NAALADL2: variants seen among roughly 807,000 people sequenced by gnomAD.
NAALADL2 encodes the protein N-acetylated alpha-linked acidic dipeptidase like 2.
NAALADL2 carries 76 observed loss-of-function variants against 87.2 expected under a neutral mutation model. The observed-to-expected ratio is 0.87, with a 90% CI of 0.72 to 1.05. The LOEUF (loss-of-function observed/expected upper bound fraction) is 1.05. Among genes scored for constraint, NAALADL2 ranks in the 50% least tolerant of loss-of-function variants. The pLI, the probability that NAALADL2 is intolerant of heterozygous loss-of-function variation, is 0.00. For synonymous variants in NAALADL2, 354 were observed against 331.0 expected, an observed-to-expected ratio of 1.07 and a Z score of -0.75; for missense variants, 1,089 against 945.8, an observed-to-expected ratio of 1.15 and a Z score of -1.99.
intron 2 of NAALADL2, among the ~76,000 whole-genome samples, chr3:174,559,526 G>A (rs575924882): frequency 2.6e-5 from 4 of 152,266 alleles, no homozygotes; most frequent in South Asian, 4.1e-4. Context: ...TAGCCTCCAC[G>A]CTGTGCCTTA....
At chr3:175,149,934 T>C (rs746404298) in intron 2 of NAALADL2, among the ~76,000 whole-genome samples, 4 of 152,152 alleles carry the variant, frequency 2.6e-5, no homozygotes, top group African/African-American at 4.8e-5. Context: ...TGCTTACGTG[T>C]TTGACAGTAA....
chr3:174,881,354 C>G (rs906260429), intron 1 of NAALADL2, among the ~76,000 whole-genome samples: 3 of 151,972 alleles, frequency 2.0e-5, no homozygotes, highest in African/African-American at 7.2e-5. Context: ...TAAAATTTTT[C>G]AGGTTTTAGG....
At chr3:175,061,058 A>G (rs1706260633) in intron 1 of NAALADL2, among the ~76,000 whole-genome samples, 1 of 152,188 alleles carries the variant, frequency 6.6e-6, no homozygotes, top group Non-Finnish European at 1.5e-5. Context: ...AAAAAACAAA[A>G]AAAATCCTTC....
intron 5 of NAALADL2, among the ~76,000 whole-genome samples, chr3:175,359,351 A>G (rs1764726673): frequency 6.6e-6 from 1 of 152,136 alleles, no homozygotes; most frequent in African/African-American, 2.4e-5. Flanking sequence ...CCAAGATCAT[A>G]TTAGAGAAAT....
chr3:174,619,076 C>G (rs1720755551), intron 2 of NAALADL2, among the ~76,000 whole-genome samples: 1 of 151,750 alleles, frequency 6.6e-6, no homozygotes, highest in South Asian at 2.1e-4. Context: ...TTACATTGGT[C>G]AAGGTTAAAG....
chr3:174,969,227 T>G (rs1179854742), intron 1 of NAALADL2, among the ~76,000 whole-genome samples: 1 of 152,160 alleles, frequency 6.6e-6, no homozygotes, highest in Non-Finnish European at 1.5e-5. Flanking sequence ...CTAGCAGGTA[T>G]TCCATCCTTC....
chr3:175,132,783 G>T (rs1728339044), intron 2 of NAALADL2, among the ~76,000 whole-genome samples: 1 of 150,802 alleles, frequency 6.6e-6, no homozygotes, highest in African/African-American at 2.4e-5. Flanking sequence ...TCCTGGCGGG[G>T]GCTGACCCCC....
At chr3:175,776,965 A>G (rs1325033936) in intron 13 of NAALADL2, among the ~76,000 whole-genome samples, 1 of 152,022 alleles carries the variant, frequency 6.6e-6, no homozygotes, top group Non-Finnish European at 1.5e-5. Flanking sequence ...CTTAATATCT[A>G]TAATAAACTG....
At chr3:175,723,832 C>G (rs888486662) in intron 11 of NAALADL2, among the ~76,000 whole-genome samples, 7 of 151,986 alleles carry the variant, frequency 4.6e-5, no homozygotes, top group African/African-American at 1.7e-4. Flanking sequence ...TTACCTGTTC[C>G]TCTTACTAAG....
chr3:175,646,211 C>G (rs1314267622), intron 11 of NAALADL2, among the ~76,000 whole-genome samples: 1 of 151,824 alleles, frequency 6.6e-6, no homozygotes, highest in Non-Finnish European at 1.5e-5. Flanking sequence ...TTATGGAACT[C>G]AGATATTTTA....
chr3:175,588,351 T>G (rs751210749), intron 10 of NAALADL2, among the ~76,000 whole-genome samples: 29 of 151,520 alleles, frequency 1.9e-4, no homozygotes, highest in Non-Finnish European at 4.1e-4. Context: ...TGTGAGGTAC[T>G]CAATACAGCA....
intron 3 of NAALADL2, among the ~76,000 whole-genome samples, chr3:175,236,798 A>G (rs889866395): frequency 6.6e-6 from 1 of 152,142 alleles, no homozygotes; most frequent in Non-Finnish European, 1.5e-5. Flanking sequence ...ACGTAATTGT[A>G]TGTTTGCTTT....
chr3:174,669,905 A>G (rs772441724), intron 2 of NAALADL2, among the ~76,000 whole-genome samples: 11 of 151,810 alleles, frequency 7.2e-5, no homozygotes, highest in Non-Finnish European at 1.3e-4. Flanking sequence ...GTCTTTTTTA[A>G]TTTCTTTCAA....
intron 9 of NAALADL2, among the ~76,000 whole-genome samples, chr3:175,494,418 C>T (rs1414087573): frequency 6.6e-6 from 1 of 151,948 alleles, no homozygotes. Context: ...TAAAATAAAC[C>T]TGTAGCTTCA....
chr3:175,209,129 A>G (rs1741396410), intron 2 of NAALADL2, among the ~76,000 whole-genome samples: 1 of 152,116 alleles, frequency 6.6e-6, no homozygotes, highest in Admixed American at 6.6e-5. Flanking sequence ...TAGAAGGTGT[A>G]GTAGGGAAAA....
chr3:174,681,702 G>A (rs1727553999), intron 2 of NAALADL2, among the ~76,000 whole-genome samples: 1 of 152,174 alleles, frequency 6.6e-6, no homozygotes, highest in African/African-American at 2.4e-5. Context: ...GGCTTCAGGT[G>A]TGACCTACAA....
At position 175,096,840 on chromosome 3, in the gene NAALADL2, C is replaced by T; in HGVS notation, c.94C>T (p.His32Tyr). ...CCATGCAGATCAAAGAGCTCCAGGA[C>T]ACTCACAGTACTTAGACAATGATGA... ...KVHADQRAPG[H>Y]SQYLDNDDLQ... The change falls in exon 2 of 14, where the codon CAC (histidine) becomes TAC (tyrosine). Residue 32 changes from histidine to tyrosine, a missense_variant. Transcript: ENST00000454872. 6.2e-7 allele frequency: 1 copy of T among 1,609,238 alleles called. No individual in the cohort carries two copies. The highest frequency in any genetic ancestry group is 8.5e-7 in the Non-Finnish European group (1 of 1,177,530).
At chr3:174,492,393 A>C (rs1718259727) in intron 1 of NAALADL2, among the ~76,000 whole-genome samples, 1 of 152,206 alleles carries the variant, frequency 6.6e-6, no homozygotes, top group Admixed American at 6.5e-5. Context: ...ATAAATTAAC[A>C]CATAAATCCT....
chr3:175,450,916 T>C (rs1249393422), intron 6 of NAALADL2, among the ~76,000 whole-genome samples: 1 of 152,136 alleles, frequency 6.6e-6, no homozygotes, highest in Non-Finnish European at 1.5e-5. Context: ...TCTGGGATCT[T>C]TCTCTAGCCA....
Sources: gnomAD v4.1 joint callset for allele counts (sites outside exome capture counted in the v4.1 genomes callset) on GRCh38, gnomAD v4.1.1 for gene constraint, MANE v1.5 for transcripts, NCBI Gene and HGNC (gene_info 2026-07-23, HGNC 2026-07-21) for gene names.